The following ZNF300 variants were observed in gnomAD, a reference collection of about 807,000 sequenced individuals.
ZNF300 encodes kruppel-like zinc finger protein.
A neutral mutation model predicts 13.9 loss-of-function variants in ZNF300; 6 were observed. The ratio of observed to expected loss-of-function variants is 0.43; its 90% CI spans 0.24 to 0.85. ZNF300 has a LOEUF of 0.85. Among genes scored for constraint, ZNF300 ranks in the 40% least tolerant of loss-of-function variants. ZNF300 has a pLI of 0.25. For synonymous variants in ZNF300, 237 were observed against 242.2 expected (o/e 0.98, Z 0.20); for missense variants, 662 against 714.2 (o/e 0.93, Z 0.83).
chr5:150,898,479 T>C lies in ZNF300; in HGVS notation c.91A>G (p.Thr31Ala). The change falls in exon 4 of 6, where the codon ACC becomes GCC. Residue 31 changes from threonine to alanine, a missense_variant. By Grantham distance (58) the Thr-to-Ala change is moderately conservative (BLOSUM62 0). Transcript: ENST00000274599. ...EWQQLDPSQR[T>A]LYRDVMLENY... ...TCCAGCATCACATCCCTGTACAGGG[T>C]CCTCTGAGAAGGGTCAAGTTGCTGC... is the stretch of plus-strand genomic sequence containing the variant. The C allele has an allele frequency of 6.2e-7, 1 of 1,613,262 alleles. No homozygotes were observed. Among genetic ancestry groups the C allele is most frequent in the Non-Finnish European group, 8.5e-7 (1 of 1,179,524 alleles).
Position 150,902,115 on chromosome 5 carries a change from GTCTC to G in ZNF300, c.15+1022_15+1025del, listed in dbSNP as rs1200698019. Among the ~76,000 whole-genome samples the G allele has an allele frequency of 2.6e-5, 4 of 152,178 alleles. No individual in the cohort carries two copies. The East Asian group carries it at 5.8e-4, about 22-fold the overall frequency. On this transcript the variant is annotated intron_variant, in intron 3 of 5. Coordinates refer to ENST00000274599, the MANE Select transcript of ZNF300 (RefSeq NM_052860.4). The stretch of plus-strand genomic sequence containing the variant: ...GGAGAAGGTGAGTTTAAGTTAAAAG[GTCTC>G]TCTGTTTTAAATTTTTATCTTTTAT...
rs530876502 is a variant in ZNF300 at position 150,895,419 on chromosome 5, G to A, written c.*5C>T. The A allele has an allele frequency of 2.9e-4, 462 of 1,582,090 alleles. 7 individuals carry two copies. The South Asian group carries it at 4.5e-3, about 16-fold the overall frequency. ...TAATACTAAGGCTTTTCTGTGGCCA[G>A]TTCATTATGATTTTACCACTGTGTG... On this transcript the variant is annotated 3_prime_UTR_variant, in exon 6 of 6. Transcript: ENST00000274599.
chr5:150,895,327 T>C lies in ZNF300; in HGVS notation c.*97A>G. The C allele has an allele frequency of 1.1e-6, 1 of 907,636 alleles. No individual in the cohort carries two copies. Among genetic ancestry groups the C allele is most frequent in the Non-Finnish European group, 1.6e-6 (1 of 640,352 alleles). The allele number at this position is 907,636 out of a possible 1,614,324, so 56.2% of individuals were successfully genotyped here. On this transcript the variant is annotated 3_prime_UTR_variant, in exon 6 of 6. Transcript: ENST00000274599. ...AAACAAATTCCCTTAAAAATTTTTA[T>C]CTATTGGGATGTTGTCCCCAAGCTT...
At chr5:150,897,201 G>A in intron 5 of ZNF300, 1 of 402,118 alleles carries the variant, frequency 2.5e-6, no homozygotes, top group Middle Eastern at 6.3e-4. Context: ...AGATGAAAAA[G>A]TGGGGTCTCA....
At position 150,894,822 on chromosome 5, in the gene ZNF300, A is replaced by G. The variant is rs1018286542; in HGVS notation, c.*602T>C. 1 of 152,302 alleles carries G rather than the reference A, an allele frequency of 6.6e-6. No homozygotes were observed. The highest frequency in any genetic ancestry group is 1.5e-5 in the Non-Finnish European group (1 of 68,012). 9.4% of individuals were successfully genotyped at this position (152,302 alleles called of 1,614,324 possible). A position where few individuals can be genotyped will look rare whatever the true frequency, so the allele number is the denominator to read the frequency against. ...CTCCAAGTTCCCAGTTGGGAAGAGT[A>G]AAAGGGAGACCTGCTCAAAATGCAT... On this transcript the variant is annotated 3_prime_UTR_variant, in exon 6 of 6. Transcript: ENST00000274599.
In ZNF300 at chr5:150,895,216, C is replaced by CT; in HGVS notation, c.*207dup. ...ATCACTGAGTTCATAACTTTAAAAG[C>CT]TTTACATGCCATATTAAAAATGTTC... On this transcript the variant is annotated 3_prime_UTR_variant, in exon 6 of 6. Coordinates refer to ENST00000274599, the MANE Select transcript of ZNF300 (RefSeq NM_052860.4). The CT allele has an allele frequency of 2.1e-6, 1 of 476,564 alleles. No individual in the cohort carries two copies. Among genetic ancestry groups the CT allele is most frequent in the Non-Finnish European group, 3.7e-6 (1 of 271,464 alleles). The allele number at this position is 476,564 out of a possible 1,614,324, so 29.5% of individuals were successfully genotyped here.
chr5:150,895,413 T>C lies in ZNF300; in HGVS notation c.*11A>G. On this transcript the variant is annotated 3_prime_UTR_variant, in exon 6 of 6. Transcript: ENST00000274599. ...TTGAGCTAATACTAAGGCTTTTCTG[T>C]GGCCAGTTCATTATGATTTTACCAC... 6.4e-7 allele frequency: 1 copy of C among 1,564,926 alleles called. No individual in the cohort carries two copies. The highest frequency in any genetic ancestry group is 1.2e-5 in the South Asian group (1 of 82,990).
rs1581658116 is a variant in ZNF300 at position 150,895,844 on chromosome 5, A to G, written c.1395T>C (p.Tyr465=). Residue 465 remains tyrosine, a synonymous_variant, in exon 6 of 6, where the codon TAT becomes TAC. Coordinates refer to ENST00000274599, the MANE Select transcript of ZNF300 (RefSeq NM_052860.4). ...ATGTCTTTCCACATTCAGTACATTC[A>G]TAAGGTTTTTCCCCAGTATGAACTA... The part of the protein sequence containing the change: ...HQLVHTGEKP[Y]ECTECGKTFS... 1 of 1,613,694 alleles carries G rather than the reference A, an allele frequency of 6.2e-7. No individual in the cohort carries two copies. The highest frequency in any genetic ancestry group is 2.2e-5 in the East Asian group (1 of 44,868).
At chr5:150,899,151 G>A (rs756629617) in intron 3 of ZNF300, among the ~76,000 whole-genome samples, 2 of 152,054 alleles carry the variant, frequency 1.3e-5, no homozygotes, top group Non-Finnish European at 2.9e-5. Context: ...TCACAGTCCT[G>A]AAGAACAACC....
chr5:150,901,861 A>G (rs888472244), intron 3 of ZNF300, among the ~76,000 whole-genome samples: 11 of 152,148 alleles, frequency 7.2e-5, no homozygotes, highest in Non-Finnish European at 1.0e-4. Flanking sequence ...ATGGAAAAAG[A>G]TATTCTAAGT....
chr5:150,902,496 C>T (rs77988786), intron 3 of ZNF300, among the ~76,000 whole-genome samples: 5,886 of 152,252 alleles, frequency 0.039, 181 homozygotes, highest in East Asian at 0.16. Flanking sequence ...GTAAAGTTTA[C>T]ATTTTTGGCA....
At chr5:150,897,873 CAT>C (rs112293233) in intron 5 of ZNF300, 187 bp downstream of exon 5, 28 of 576,754 alleles carry the variant, frequency 4.9e-5, no homozygotes, top group Middle Eastern at 4.9e-4. Flanking sequence ...CAAATATAAA[CAT>C]ATATATATAC....
At chr5:150,901,677 G>C (rs978180575) in intron 3 of ZNF300, among the ~76,000 whole-genome samples, 3 of 152,014 alleles carry the variant, frequency 2.0e-5, no homozygotes, top group Non-Finnish European at 2.9e-5. Flanking sequence ...AAATATATCA[G>C]TACAAACCAT....
At chr5:150,900,459 C>G (rs559080468) in intron 3 of ZNF300, 1 of 152,090 alleles carries the variant, frequency 6.6e-6, no homozygotes, top group Admixed American at 6.6e-5. Flanking sequence ...TTGTTCCCCC[C>G]TCTCTGCTAT....
At chr5:150,897,407 A>AAC (rs112582630) in intron 5 of ZNF300, 6,894 of 156,992 alleles carry the variant, frequency 0.044, 199 homozygotes, top group East Asian at 0.16. Context: ...CCTAACAACT[A>AAC]ACAAATAATA....
rs1754710454 is a variant in ZNF300, at chr5:150,895,192, T to G, written c.*232A>C. 2 of 427,018 alleles carry G rather than the reference T, an allele frequency of 4.7e-6. No homozygotes were observed. Among genetic ancestry groups the G allele is most frequent in the African/African-American group, 2.0e-5 (1 of 49,638 alleles). 26.5% of individuals were successfully genotyped at this position (427,018 alleles called of 1,614,324 possible). ...CTGTATGCTTAACTTGCTGTGCTGA[T>G]CACTGAGTTCATAACTTTAAAAGCT... On this transcript the variant is annotated 3_prime_UTR_variant, in exon 6 of 6. Coordinates refer to ENST00000274599, the MANE Select transcript of ZNF300 (RefSeq NM_052860.4).
intron 5 of ZNF300, 181 bp from the exon 6 acceptor site, chr5:150,897,154 T>C: frequency 2.2e-6 from 1 of 457,414 alleles, no homozygotes; most frequent in Non-Finnish European, 3.8e-6. Context: ...ACAAGAATGT[T>C]AAACAGAAAT....
intron 3 of ZNF300, among the ~76,000 whole-genome samples, chr5:150,900,340 C>T (rs1754949431): frequency 6.6e-6 from 1 of 152,042 alleles, no homozygotes; most frequent in African/African-American, 2.4e-5. Context: ...TAAAATCACT[C>T]TGCCCTTTCT....
At chr5:150,898,322 G>A in intron 4 of ZNF300, 106 bp downstream of exon 4, 1 of 1,596,752 alleles carries the variant, frequency 6.3e-7, no homozygotes, top group Non-Finnish European at 8.6e-7. Context: ...AAGGTATGAA[G>A]GTCATAAAAG....
Sources: gnomAD v4.1 joint callset for allele counts (sites outside exome capture counted in the v4.1 genomes callset) on GRCh38, gnomAD v4.1.1 for gene constraint, MANE v1.5 for transcripts, NCBI Gene and HGNC (gene_info 2026-07-23, HGNC 2026-07-21) for gene names.